The following KIF13A variants were observed in gnomAD, a reference collection of about 807,000 sequenced individuals.
KIF13A encodes the protein kinesin-like protein KIF13A.
In KIF13A, 79 loss-of-function variants were observed where a neutral mutation model predicts 212.2. The ratio of observed to expected loss-of-function variants is 0.37; its 90% confidence interval spans 0.31 to 0.45. The LOEUF is 0.45. Ranked by LOEUF, KIF13A falls within the 20% of genes least tolerant of loss-of-function variation. The pLI is 1.00. For missense variants in KIF13A, 1,901 were observed against 2,209.0 expected (o/e 0.86, Z 2.79); for synonymous variants, 789 against 808.6 (o/e 0.98, Z 0.41).
At chr6:17,833,901 A>G in intron 12 of KIF13A, 60 bp downstream of exon 12, 1 of 883,730 alleles carries the variant, frequency 1.1e-6, no homozygotes, top group Non-Finnish European at 1.7e-6. Context: ...AGCAAACTAC[A>G]CAGAAAAGAC....
rs1781171085 is a variant in KIF13A, at chr6:17,982,395, GC to G, written c.146+4658del. The G allele has an allele frequency of 2.0e-6, 2 of 980,178 alleles. No individual in the cohort carries two copies. Among genetic ancestry groups the G allele is most frequent in the African/African-American group, 1.8e-5 (1 of 57,040 alleles). 60.7% of individuals were successfully genotyped at this position (980,178 alleles called of 1,614,324 possible). A position where few individuals can be genotyped will look rare whatever the true frequency, so the allele number is the denominator to read the frequency against. The stretch of plus-strand genomic sequence containing the variant: ...TTACAGATGTGAGCCACTGTGTCTG[GC>G]CCCCAGGATTTGGAGCATTTTAGAT... On this transcript the variant is annotated intron_variant, in intron 2 of 38. Coordinates refer to ENST00000259711, the MANE Select transcript of KIF13A (RefSeq NM_022113.6). The surrounding 1 kb of genome is among the most constrained non-coding windows in gnomAD (Gnocchi z 5.1).
At chr6:17,882,149 T>G in intron 3 of KIF13A, 1 of 442,650 alleles carries the variant, frequency 2.3e-6, no homozygotes, top group Non-Finnish European at 4.6e-6. Flanking sequence ...TCCTTTCATT[T>G]GTCCTTTCGA....
Position 17,805,534 on chromosome 6 carries a change from C to T in KIF13A, c.2245G>A (p.Glu749Lys). ...STQVWTIEKL[E>K]NKLIDMRDLY... ...TCTCTCATGTCAATTAATTTATTCT[C>T]CAGCTTCTCAATGGTCCACACTTGG... The change falls in exon 19 of 39, where the codon GAG becomes AAG. Residue 749 changes from glutamate to lysine, a missense_variant. By Grantham distance (56) the Glu-to-Lys change is moderately conservative. This residue lies in a region of KIF13A where 534 missense variants were observed against 536.9 expected (regional missense o/e 0.99). Coordinates refer to ENST00000259711, the MANE Select transcript of KIF13A (RefSeq NM_022113.6). The T allele has an allele frequency of 3.7e-6, 6 of 1,613,764 alleles. No individual in the cohort carries two copies. Among genetic ancestry groups the T allele is most frequent in the Non-Finnish European group, 5.1e-6 (6 of 1,179,790 alleles).
chr6:17,883,941 T>G lies in KIF13A; in HGVS notation c.160-10504A>C, dbSNP rs180943132. 6.6e-6 allele frequency among the ~76,000 whole-genome samples: 1 copy of G among 151,938 alleles called. No homozygotes were observed. Among genetic ancestry groups the G allele is most frequent in the East Asian group, 1.9e-4 (1 of 5,166 alleles). On this transcript the variant is annotated intron_variant, in intron 3 of 38. Coordinates refer to ENST00000259711, the MANE Select transcript of KIF13A (RefSeq NM_022113.6). This position sits in a 1 kb window ranked among gnomAD's most constrained non-coding sequence, Gnocchi z 4.8. ...AGATCCCATTGCTAAAAGGAAATAA[T>G]AATATTAACAAAAAAAGAGAAGGAA...
At chr6:17,983,978 A>G (rs937787886) in intron 2 of KIF13A, among the ~76,000 whole-genome samples, 1 of 152,200 alleles carries the variant, frequency 6.6e-6, no homozygotes, top group African/African-American at 2.4e-5. Context: ...GCAAGTTGAC[A>G]GGACCTTGGG....
rs868627504 is a variant in KIF13A, at chr6:17,968,209, C to G, written c.146+18845G>C. 6.6e-6 allele frequency among the ~76,000 whole-genome samples: 1 copy of G among 152,196 alleles called. No homozygotes were observed. The highest frequency in any genetic ancestry group is 1.5e-5 in the Non-Finnish European group (1 of 68,030). Reference sequence around the variant, plus strand: ...AGAACGAGAAGAACCCAGAGATCCCCGCTTACTCACCAGGAGAAAGAAGAG... The same window carrying G: ...AGAACGAGAAGAACCCAGAGATCCCGGCTTACTCACCAGGAGAAAGAAGAG... On this transcript the variant is annotated intron_variant, in intron 2 of 38. Transcript: ENST00000259711. This position sits in a 1 kb window ranked among gnomAD's most constrained non-coding sequence, Gnocchi z 4.7.
At chr6:17,821,997 C>T in intron 16 of KIF13A, 1 of 1,380,418 alleles carries the variant, frequency 7.2e-7, no homozygotes, top group Non-Finnish European at 9.8e-7. Flanking sequence ...CAAAGGGAAG[C>T]TCCACTGGAA....
rs1272375466 is a variant in KIF13A at position 17,855,114 on chromosome 6, T to A, written c.494+323A>T. Among the ~76,000 whole-genome samples, 2 of 152,090 alleles carry A rather than the reference T, an allele frequency of 1.3e-5. No individual in the cohort carries two copies. Among genetic ancestry groups the A allele is most frequent in the African/African-American group, 4.8e-5 (2 of 41,404 alleles). ...TTCAACCCTTTTACCCTTAACACAT[T>A]AGTGCCACTTTCCAATGTAAATGGA... On this transcript the variant is annotated intron_variant, in intron 6 of 38. Transcript: ENST00000259711. The surrounding 1 kb of genome is among the most constrained non-coding windows in gnomAD (Gnocchi z 4.1).
intron 2 of KIF13A, chr6:17,950,536 C>T (rs535566879): frequency 1.0e-6 from 1 of 985,186 alleles, no homozygotes; most frequent in Non-Finnish European, 1.2e-6. Flanking sequence ...AACACACATT[C>T]CTTTCTTATA....
chr6:17,983,699 G>A (rs1781305744), intron 2 of KIF13A, among the ~76,000 whole-genome samples: 1 of 151,922 alleles, frequency 6.6e-6, no homozygotes, highest in Admixed American at 6.6e-5. Context: ...TGTTGGCCAG[G>A]GTGGTCTCAA....
chr6:17,844,337 AAT>A (rs1766815997), intron 9 of KIF13A, among the ~76,000 whole-genome samples: 2 of 152,324 alleles, frequency 1.3e-5, no homozygotes, highest in South Asian at 4.1e-4. Flanking sequence ...GTGGTAGAAC[AAT>A]AGAGTACATA....
rs1019827395 is a variant in KIF13A at position 17,838,937 on chromosome 6, A to G, written c.831-1354T>C. Among the ~76,000 whole-genome samples, 4 of 152,212 alleles carry G rather than the reference A, an allele frequency of 2.6e-5. No individual in the cohort carries two copies. The highest frequency in any genetic ancestry group is 9.6e-5 in the African/African-American group (4 of 41,466). On this transcript the variant is annotated intron_variant, in intron 9 of 38. Transcript: ENST00000259711. This position sits in a 1 kb window ranked among gnomAD's most constrained non-coding sequence, Gnocchi z 4.2. ...CAGGTTCAAGAGATTCTCCTGCCTC[A>G]GCCTCCTGAGTAGCTGGGATTACAG...
Position 17,817,074 on chromosome 6 carries a change from A to G in KIF13A, c.1946T>C (p.Leu649Pro). ...CTGCGCTGTCTGGCTGCTGTAGGCC[A>G]GGCGGTCAGGGCCGCTACTCTGTGG... is the stretch of plus-strand genomic sequence containing the variant. ...RQPQSSGPDR[L>P]AYSSQTAQQK... Residue 649 changes from leucine to proline, a missense_variant, in exon 17 of 39, where the codon CTG becomes CCG. Leu to Pro is a moderately conservative substitution (Grantham distance 98, BLOSUM62 -3). Transcript: ENST00000259711. 1 of 1,613,718 alleles carries G rather than the reference A, an allele frequency of 6.2e-7. No individual in the cohort carries two copies. Among genetic ancestry groups the G allele is most frequent in the African/African-American group, 1.3e-5 (1 of 75,052 alleles).
chr6:17,817,917 C>A (rs888366732), intron 16 of KIF13A, among the ~76,000 whole-genome samples: 8 of 151,934 alleles, frequency 5.3e-5, no homozygotes, highest in Non-Finnish European at 7.4e-5. Context: ...TATAGATGTA[C>A]TAACAGATCT....
chr6:17,958,095 G>GCTTCTCA (rs1778502821), intron 2 of KIF13A, among the ~76,000 whole-genome samples: 1 of 152,138 alleles, frequency 6.6e-6, no homozygotes, highest in African/African-American at 2.4e-5. Flanking sequence ...GAAATAAAAA[G>GCTTCTCA]CTTCTCATAT....
At chr6:17,881,403 G>T in intron 3 of KIF13A, 2 of 409,068 alleles carry the variant, frequency 4.9e-6, no homozygotes, top group South Asian at 1.8e-5. Flanking sequence ...TTACTTAAAA[G>T]TCATCTCTGA....
chr6:17,795,241 A>C (rs1159161380), intron 23 of KIF13A, among the ~76,000 whole-genome samples: 1 of 152,060 alleles, frequency 6.6e-6, no homozygotes, highest in Non-Finnish European at 1.5e-5. Flanking sequence ...TCACTGAAGG[A>C]TATTTGGGTT....
At chr6:17,893,978 T>C (rs902450794) in intron 3 of KIF13A, among the ~76,000 whole-genome samples, 3 of 151,228 alleles carry the variant, frequency 2.0e-5, no homozygotes, top group Non-Finnish European at 4.4e-5. Flanking sequence ...TAACTGGGAC[T>C]ACAGGCGTGT....
At position 17,838,467 on chromosome 6, in the gene KIF13A, A is replaced by G. The variant is rs1766191373; in HGVS notation, c.831-884T>C. 6.6e-6 allele frequency among the ~76,000 whole-genome samples: 1 copy of G among 152,172 alleles called. No homozygotes were observed. The highest frequency in any genetic ancestry group is 1.5e-5 in the Non-Finnish European group (1 of 68,038). On this transcript the variant is annotated intron_variant, in intron 9 of 38. Coordinates refer to ENST00000259711, the MANE Select transcript of KIF13A (RefSeq NM_022113.6). This position sits in a 1 kb window ranked among gnomAD's most constrained non-coding sequence, Gnocchi z 4.2. ...GAAAGCAGCCTATTTCCCACAAAAC[A>G]TAATTCCCCAAAGACGAGTCACTGA...
Sources: gnomAD v4.1 joint callset for allele counts (sites outside exome capture counted in the v4.1 genomes callset) on GRCh38, gnomAD v4.1.1 for gene constraint, gnomAD v4.1.1 regional missense constraint, Gnocchi (gnomAD v3.1) non-coding constraint, MANE v1.5 for transcripts, NCBI Gene and HGNC (gene_info 2026-07-23, HGNC 2026-07-21) for gene names.